The following FGF14 variants were observed in gnomAD, a reference collection of about 807,000 sequenced individuals.
FGF14 encodes fibroblast growth factor 14.
FGF14 carries 5 observed loss-of-function variants against 25.5 expected under a neutral mutation model. That is an observed-to-expected ratio of 0.20 (90% CI 0.10 to 0.41). The LOEUF is 0.41. Ranked by LOEUF, FGF14 falls within the 10% of genes least tolerant of loss-of-function variation. The probability of loss-of-function intolerance (pLI) is 1.00; values close to 1 mark genes in which losing one functional copy is unlikely to be tolerated. For missense variants in FGF14, 222 were observed against 320.1 expected (o/e 0.69, Z 2.34); for synonymous variants, 138 against 118.3 (o/e 1.17, Z -1.08).
intron 1 of FGF14, among the ~76,000 whole-genome samples, chr13:101,916,236 G>T (rs2033467503): frequency 6.6e-6 from 1 of 152,226 alleles, no homozygotes; most frequent in African/African-American, 2.4e-5. Flanking sequence ...GCGAGGAGCA[G>T]CCAACTTGCC....
chr13:101,799,129 A>G (rs930777472), intron 3 of FGF14, among the ~76,000 whole-genome samples: 1 of 152,106 alleles, frequency 6.6e-6, no homozygotes, highest in Non-Finnish European at 1.5e-5. Flanking sequence ...ATTGTTCAAC[A>G]TCTACTCAAG....
At chr13:101,861,148 T>C (rs1374357973) in intron 3 of FGF14, among the ~76,000 whole-genome samples, 1 of 152,098 alleles carries the variant, frequency 6.6e-6, no homozygotes, top group Non-Finnish European at 1.5e-5. Flanking sequence ...GCAGGAAGAA[T>C]AGAAAAACAA....
chr13:101,965,934 A>G (rs1335002741), intron 1 of FGF14, among the ~76,000 whole-genome samples: 1 of 152,202 alleles, frequency 6.6e-6, no homozygotes, highest in Non-Finnish European at 1.5e-5. Context: ...GTAATTTTAT[A>G]CTTTTATAAG....
intron 3 of FGF14, among the ~76,000 whole-genome samples, chr13:101,828,938 T>C (rs1490810654): frequency 3.3e-5 from 5 of 152,042 alleles, no homozygotes; most frequent in African/African-American, 7.2e-5. Flanking sequence ...AATATCATAC[T>C]AGGTGTTAGA....
At chr13:102,369,078 CAT>C (rs1160856105) in intron 1 of FGF14, among the ~76,000 whole-genome samples, 1 of 152,160 alleles carries the variant, frequency 6.6e-6, no homozygotes, top group Non-Finnish European at 1.5e-5. Flanking sequence ...AAAAACTAAT[CAT>C]GTGTCTTTTC....
intron 1 of FGF14, among the ~76,000 whole-genome samples, chr13:102,096,039 A>T (rs1482719849): frequency 1.3e-5 from 2 of 150,206 alleles, no homozygotes; most frequent in Admixed American, 1.3e-4. Context: ...TATTTGACAT[A>T]AAGAGGACAT....
intron 3 of FGF14, among the ~76,000 whole-genome samples, chr13:101,753,875 A>G (rs1161143932): frequency 6.6e-6 from 1 of 152,172 alleles, no homozygotes; most frequent in Non-Finnish European, 1.5e-5. Context: ...TATTGAGTAA[A>G]AGCTCAAAAA....
chr13:101,818,671 G>A (rs1214543990), intron 3 of FGF14, among the ~76,000 whole-genome samples: 1 of 152,148 alleles, frequency 6.6e-6, no homozygotes, highest in Admixed American at 6.5e-5. Flanking sequence ...CAACCTGCCA[G>A]TAATGTTTCC....
At chr13:101,878,481 T>A (rs974270642) in intron 1 of FGF14, among the ~76,000 whole-genome samples, 17 of 152,208 alleles carry the variant, frequency 1.1e-4, no homozygotes, top group Non-Finnish European at 1.9e-4. Flanking sequence ...GATTTATAAG[T>A]TATATTATCT....
At chr13:101,911,759 C>T (rs942375688) in intron 1 of FGF14, among the ~76,000 whole-genome samples, 8 of 151,844 alleles carry the variant, frequency 5.3e-5, no homozygotes, top group South Asian at 2.1e-4. Context: ...CTTAATACAA[C>T]TAACAAATAA....
chr13:101,941,476 T>C (rs113233954), intron 1 of FGF14, among the ~76,000 whole-genome samples: 1 of 152,198 alleles, frequency 6.6e-6, no homozygotes, highest in African/African-American at 2.4e-5. Flanking sequence ...TTTCACCATT[T>C]ACAAGTACAA....
chr13:101,907,226 G>A (rs912642054), intron 1 of FGF14, among the ~76,000 whole-genome samples: 10 of 152,166 alleles, frequency 6.6e-5, no homozygotes, highest in South Asian at 4.1e-4. Context: ...CCCAAGTAAG[G>A]AAACACCAAG....
intron 3 of FGF14, among the ~76,000 whole-genome samples, chr13:101,793,623 A>G (rs1424301221): frequency 6.6e-6 from 1 of 152,052 alleles, no homozygotes; most frequent in Non-Finnish European, 1.5e-5. Flanking sequence ...TCATATGGCA[A>G]TTCTATTTTT....
rs888710588 is a variant in FGF14 at position 101,718,935 on chromosome 13, T to A, written c.*3896A>T. The A allele has an allele frequency of 3.3e-5, 5 of 151,936 alleles. No homozygotes were observed. Among genetic ancestry groups the A allele is most frequent in the African/African-American group, 1.2e-4 (5 of 41,414 alleles). 9.4% of individuals were successfully genotyped at this position (151,936 alleles called of 1,614,324 possible). ...GCTATGACTACTATTTCACTCAAAG[T>A]AAGACCATGTACATCCTGGATTTTG... is the stretch of plus-strand genomic sequence containing the variant. On this transcript the variant is annotated 3_prime_UTR_variant, in exon 5 of 5. Coordinates refer to ENST00000376143, the MANE Select transcript of FGF14 (RefSeq NM_004115.4).
At chr13:102,262,623 A>G (rs1339475673) in intron 1 of FGF14, among the ~76,000 whole-genome samples, 1 of 152,182 alleles carries the variant, frequency 6.6e-6, no homozygotes, top group Non-Finnish European at 1.5e-5. Context: ...TATAATAATG[A>G]TCCAATATAG....
chr13:101,797,841 T>C (rs2040639270), intron 3 of FGF14, among the ~76,000 whole-genome samples: 1 of 151,040 alleles, frequency 6.6e-6, no homozygotes, highest in Non-Finnish European at 1.5e-5. Context: ...GCTTGGAAAT[T>C]AGGAACCTTC....
At chr13:102,309,167 C>CACACAT (rs549521419) in intron 1 of FGF14, among the ~76,000 whole-genome samples, 1 of 151,532 alleles carries the variant, frequency 6.6e-6, no homozygotes, top group Non-Finnish European at 1.5e-5. Context: ...CACACACACA[C>CACACAT]ATCTCGCACA....
intron 1 of FGF14, among the ~76,000 whole-genome samples, chr13:102,207,437 T>C (rs2049974812): frequency 6.6e-6 from 1 of 151,440 alleles, no homozygotes; most frequent in African/African-American, 2.4e-5. Flanking sequence ...CAAAAAATGG[T>C]CATCAAAGAA....
chr13:102,308,916 C>CAAAAAAAAAAAA (rs71125061), intron 1 of FGF14, among the ~76,000 whole-genome samples: 3 of 61,974 alleles, frequency 4.8e-5, no homozygotes, highest in Admixed American at 3.4e-4. Flanking sequence ...GTTTCTTATA[C>CAAAAAAAAAAAA]AAAAAAAAAA....
Sources: gnomAD v4.1 joint callset for allele counts (sites outside exome capture counted in the v4.1 genomes callset) on GRCh38, gnomAD v4.1.1 for gene constraint, MANE v1.5 for transcripts, NCBI Gene and HGNC (gene_info 2026-07-23, HGNC 2026-07-21) for gene names.